AEBP1: variants seen among roughly 807,000 people sequenced by gnomAD.
AEBP1 encodes adipocyte enhancer-binding protein 1.
A neutral mutation model predicts 116.5 loss-of-function variants in AEBP1; 69 were observed. That is an observed-to-expected ratio of 0.59 (90% CI 0.49 to 0.72). AEBP1 has a LOEUF of 0.72. Ranked by LOEUF, AEBP1 falls within the 30% of genes least tolerant of loss-of-function variation. The probability of loss-of-function intolerance (pLI) is 0.00; values close to 1 mark genes in which losing one functional copy is unlikely to be tolerated. For missense variants in AEBP1, 1,444 were observed against 1,557.5 expected (o/e 0.93, Z 1.23); for synonymous variants, 627 against 627.3 (o/e 1.00, Z 0.01).
Position 44,112,723 on chromosome 7 carries a change from G to C in AEBP1, c.2383G>C (p.Glu795Gln), listed in dbSNP as rs751259605. 1.2e-6 allele frequency: 2 copies of C among 1,613,184 alleles called. No homozygotes were observed. Among genetic ancestry groups the C allele is most frequent in the Non-Finnish European group, 1.7e-6 (2 of 1,179,992 alleles). ...LAAAMAAARG[E>Q]DEDEVSEAQE... ...CGCAGCCATGGCAGCAGCCCGGGGG[G>C]AGGATGAGGACGAGGTCTCCGAGGC... The change falls in exon 18 of 21, where the codon GAG becomes CAG. Residue 795 changes from glutamate to glutamine, a missense_variant. By Grantham distance (29) the Glu-to-Gln change is conservative (BLOSUM62 2). Transcript: ENST00000223357. The surrounding 1 kb of genome is among the most constrained non-coding windows in gnomAD (Gnocchi z 6.6).
Position 44,112,984 on chromosome 7 carries a change from C to A in AEBP1, c.2570-7C>A. On this transcript the variant is annotated splice_polypyrimidine_tract_variant and splice_region_variant and intron_variant, in intron 18 of 20. Coordinates refer to ENST00000223357, the MANE Select transcript of AEBP1 (RefSeq NM_001129.5). The surrounding 1 kb of genome is among the most constrained non-coding windows in gnomAD (Gnocchi z 6.6). ...CTGACTTTGGGTCTGTATCTGTCCCCGGCCAGCTATCAATGACTTCAGTTA... is the reference window on the plus strand; with the variant it reads ...CTGACTTTGGGTCTGTATCTGTCCCAGGCCAGCTATCAATGACTTCAGTTA... 1 of 1,613,924 alleles carries A rather than the reference C, an allele frequency of 6.2e-7. No individual in the cohort carries two copies. The highest frequency in any genetic ancestry group is 1.1e-5 in the South Asian group (1 of 91,074).
chr7:44,106,429 A>C (rs188527117), intron 1 of AEBP1, 117 bp from the exon 2 acceptor site: 6 of 1,138,828 alleles, frequency 5.3e-6, no homozygotes, highest in Non-Finnish European at 7.6e-6. Context: ...CAGTTTGCTG[A>C]TCCGCACTGG....
rs901610198 is a variant in AEBP1, at chr7:44,104,370, G to C, written c.-296G>C. The C allele has an allele frequency of 5.2e-5, 13 of 248,948 alleles. No homozygotes were observed. The highest frequency in any genetic ancestry group is 2.5e-4 in the African/African-American group (11 of 44,162). 15.4% of individuals were successfully genotyped at this position (248,948 alleles called of 1,614,324 possible). ...GCCAGCGCTTTGGAGACGGCTATCC[G>C]CGCGGGAGTGCGCCACGCGGGGCCG... On this transcript the variant is annotated 5_prime_UTR_variant, in exon 1 of 21. Coordinates refer to ENST00000223357, the MANE Select transcript of AEBP1 (RefSeq NM_001129.5).
Position 44,113,312 on chromosome 7 carries a change from A to G in AEBP1, c.2770A>G (p.Thr924Ala). The G allele has an allele frequency of 2.5e-6, 4 of 1,613,482 alleles. No homozygotes were observed. The highest frequency in any genetic ancestry group is 3.4e-6 in the Non-Finnish European group (4 of 1,179,822). ...GCAAGGCATCCCCATTGCCAACGCC[A>G]CCATCTCTGTGAGTGGCATTAATCA... is the stretch of plus-strand genomic sequence containing the variant. ...DEQGIPIANA[T>A]ISVSGINHGV... The change falls in exon 20 of 21, where the codon ACC becomes GCC. Residue 924 changes from threonine to alanine, a missense_variant. Physicochemically the swap from Thr to Ala is moderately conservative, Grantham distance 58 (BLOSUM62 0). Coordinates refer to ENST00000223357, the MANE Select transcript of AEBP1 (RefSeq NM_001129.5). The surrounding 1 kb of genome is among the most constrained non-coding windows in gnomAD (Gnocchi z 5.3).
intron 2 of AEBP1, 45 bp downstream of exon 2, chr7:44,106,932 C>T (rs1332413494): frequency 7.0e-7 from 1 of 1,427,802 alleles, no homozygotes; most frequent in African/African-American, 1.4e-5. Flanking sequence ...TGACTGCCTG[C>T]TCGGGTGGAG....
chr7:44,108,009 C>T lies in AEBP1; in HGVS notation c.865C>T (p.Pro289Ser), dbSNP rs1422940212. 3.2e-6 allele frequency: 5 copies of T among 1,586,478 alleles called. No individual in the cohort carries two copies. In the South Asian group the frequency reaches 3.4e-5, roughly 11 times the overall value. Reference protein sequence around the residue: ...PAPAPEERIEPPVKPLLPPLP... With the variant: ...PAPAPEERIESPVKPLLPPLP... ...TCCTAACCTCCCCGCCTCCCCAGAG[C>T]CTCCTGTGAAGCCTCTGCTGCCCCC... The change falls in exon 6 of 21, where the codon CCT becomes TCT. Residue 289 changes from proline to serine, a missense_variant and splice_region_variant. By Grantham distance (74) the Pro-to-Ser change is moderately conservative (BLOSUM62 -1). Transcript: ENST00000223357. The surrounding 1 kb of genome is among the most constrained non-coding windows in gnomAD (Gnocchi z 5.0).
In AEBP1 at chr7:44,111,024, A is replaced by G. The variant is rs1769944692; in HGVS notation, c.1597A>G (p.Met533Val). Residue 533 changes from methionine to valine, a missense_variant, in exon 13 of 21, where the codon ATG (methionine) becomes GTG (valine). Transcript: ENST00000223357. The surrounding 1 kb of genome is among the most constrained non-coding windows in gnomAD (Gnocchi z 4.7). Reference protein sequence around the residue: ...YPLTWNGSLCMRLEVLGCSVA... With the variant: ...YPLTWNGSLCVRLEVLGCSVA... ...ACTCACCTGGAATGGCAGCCTGTGC[A>G]TGCGCCTGGAGGTGCTGGGGTGCTC... 1 of 1,613,470 alleles carries G rather than the reference A, an allele frequency of 6.2e-7. No homozygotes were observed. Among genetic ancestry groups the G allele is most frequent in the African/African-American group, 1.3e-5 (1 of 74,910 alleles).
chr7:44,112,407 G>A lies in AEBP1; in HGVS notation c.2217+86G>A, dbSNP rs532778179. On this transcript the variant is annotated intron_variant, in intron 17 of 20. Coordinates refer to ENST00000223357, the MANE Select transcript of AEBP1 (RefSeq NM_001129.5). This position sits in a 1 kb window ranked among gnomAD's most constrained non-coding sequence, Gnocchi z 6.6. ...TTCTGGGCTTGGGGGTGGGGCTGACGGTGCCTGAACTCCAGACGCTGAGGC... is the reference window on the plus strand; with the variant it reads ...TTCTGGGCTTGGGGGTGGGGCTGACAGTGCCTGAACTCCAGACGCTGAGGC... 1.6e-4 allele frequency: 229 copies of A among 1,461,004 alleles called. 2 individuals are homozygous for A. The highest frequency in any genetic ancestry group is 7.4e-4 in the Middle Eastern group (3 of 4,064). 90.5% of individuals were successfully genotyped at this position (1,461,004 alleles called of 1,614,324 possible).
At position 44,107,579 on chromosome 7, in the gene AEBP1, G is replaced by A. The variant is rs755207231; in HGVS notation, c.668-50G>A. 1 of 1,613,428 alleles carries A rather than the reference G, an allele frequency of 6.2e-7. No homozygotes were observed. The highest frequency in any genetic ancestry group is 1.1e-5 in the South Asian group (1 of 91,082). On this transcript the variant is annotated intron_variant, in intron 3 of 20. Coordinates refer to ENST00000223357, the MANE Select transcript of AEBP1 (RefSeq NM_001129.5). The surrounding 1 kb of genome is among the most constrained non-coding windows in gnomAD (Gnocchi z 4.3). Reference sequence around the variant, plus strand: ...GCTGGTTGGACTGAGGGCTTCCCCAGAGTAGGCCTGGGTGGGGTTGTCAGG... The same window carrying A: ...GCTGGTTGGACTGAGGGCTTCCCCAAAGTAGGCCTGGGTGGGGTTGTCAGG...
At position 44,110,098 on chromosome 7, in the gene AEBP1, G is replaced by A. The variant is rs1403801120; in HGVS notation, c.1234G>A (p.Ala412Thr). The change falls in exon 10 of 21, where the codon GCA becomes ACA. Residue 412 changes from alanine (A) to threonine (T), a missense_variant. Coordinates refer to ENST00000223357, the MANE Select transcript of AEBP1 (RefSeq NM_001129.5). Reference protein sequence around the residue: ...ASSMLRHGLGAQRGRLNMQTG... With the variant: ...ASSMLRHGLGTQRGRLNMQTG... ...CTCCATGCTGCGCCACGGCCTGGGG[G>A]CACAGCGCGGCCGGCTCAACATGCA... is the stretch of plus-strand genomic sequence containing the variant. 2.5e-6 allele frequency: 4 copies of A among 1,612,998 alleles called. No individual in the cohort carries two copies. Among genetic ancestry groups the A allele is most frequent in the East Asian group, 2.2e-5 (1 of 44,894 alleles).
rs777560888 is a variant in AEBP1, at chr7:44,106,884, G to A, written c.592G>A (p.Gly198Arg). The change falls in exon 2 of 21, where the codon GGA becomes AGA. Residue 198 changes from glycine to arginine, a missense_variant. Transcript: ENST00000223357. ...SPGPEELPQEGGAPLSNNWQN... is the reference protein window; with the variant it reads ...SPGPEELPQERGAPLSNNWQN... ...TGGCCCCGAGGAGCTACCCCAGGAGGGAGGTTTGTGCCGGGCTCCTCTGGG... is the reference window on the plus strand; with the variant it reads ...TGGCCCCGAGGAGCTACCCCAGGAGAGAGGTTTGTGCCGGGCTCCTCTGGG... The A allele has an allele frequency of 1.2e-5, 18 of 1,563,784 alleles. No individual in the cohort carries two copies. The highest frequency in any genetic ancestry group is 1.5e-5 in the Non-Finnish European group (17 of 1,157,928).
At position 44,111,583 on chromosome 7, in the gene AEBP1, A is replaced by G; in HGVS notation, c.1793A>G (p.Lys598Arg). The change falls in exon 15 of 21, where the codon AAG becomes AGG. Residue 598 changes from lysine (K) to arginine (R), a missense_variant. Coordinates refer to ENST00000223357, the MANE Select transcript of AEBP1 (RefSeq NM_001129.5). The surrounding 1 kb of genome is among the most constrained non-coding windows in gnomAD (Gnocchi z 4.7). ...YSLGKSSRGL[K>R]IYAMEISDNP... ...CTGGGCAAGAGCTCACGAGGCCTCAAGATCTATGCCATGGAGATCTCAGAC... is the reference window on the plus strand; with the variant it reads ...CTGGGCAAGAGCTCACGAGGCCTCAGGATCTATGCCATGGAGATCTCAGAC... 6.2e-7 allele frequency: 1 copy of G among 1,613,238 alleles called. No individual in the cohort carries two copies. Among genetic ancestry groups the G allele is most frequent in the Non-Finnish European group, 8.5e-7 (1 of 1,179,706 alleles).
rs1586045750 is a variant in AEBP1 at position 44,107,388 on chromosome 7, T to G, written c.596-51T>G. 2 of 1,581,082 alleles carry G rather than the reference T, an allele frequency of 1.3e-6. No homozygotes were observed. The highest frequency in any genetic ancestry group is 8.7e-7 in the Non-Finnish European group (1 of 1,151,974). Reference sequence around the variant, plus strand: ...GGCTGGTGGCCTGAGGCTCCCAAGGTGGTCAGAGCAGGCCTCCCGCCCACC... The same window carrying G: ...GGCTGGTGGCCTGAGGCTCCCAAGGGGGTCAGAGCAGGCCTCCCGCCCACC... On this transcript the variant is annotated intron_variant, in intron 2 of 20. Coordinates refer to ENST00000223357, the MANE Select transcript of AEBP1 (RefSeq NM_001129.5). This position sits in a 1 kb window ranked among gnomAD's most constrained non-coding sequence, Gnocchi z 4.3.
chr7:44,112,950 G>A lies in AEBP1; in HGVS notation c.2569+41G>A, dbSNP rs41279612. On this transcript the variant is annotated intron_variant, in intron 18 of 20. Coordinates refer to ENST00000223357, the MANE Select transcript of AEBP1 (RefSeq NM_001129.5). This position sits in a 1 kb window ranked among gnomAD's most constrained non-coding sequence, Gnocchi z 6.6. Reference sequence around the variant, plus strand: ...AGGGGCTGTGGGCGGGGCCTGGTCCGGAGAGGGGCTGACTTTGGGTCTGTA... The same window carrying A: ...AGGGGCTGTGGGCGGGGCCTGGTCCAGAGAGGGGCTGACTTTGGGTCTGTA... The A allele has an allele frequency of 0.26, 417,866 of 1,612,638 alleles. 55,984 individuals are homozygous for A. The highest frequency in any genetic ancestry group is 0.3 in the Admixed American group (17,773 of 59,974).
At position 44,112,579 on chromosome 7, in the gene AEBP1, A is replaced by G; in HGVS notation, c.2239A>G (p.Ile747Val). Residue 747 changes from isoleucine to valine, a missense_variant, in exon 18 of 21, where the codon ATC (isoleucine) becomes GTC (valine). Ile to Val is a conservative substitution (Grantham distance 29). Transcript: ENST00000223357. The surrounding 1 kb of genome is among the most constrained non-coding windows in gnomAD (Gnocchi z 6.6). Reference sequence around the variant, plus strand: ...CCAGGTATCCACGGAGGTCCGGGCCATCATTGCCTGGATGGAGAAGAACCC... The same window carrying G: ...CCAGGTATCCACGGAGGTCCGGGCCGTCATTGCCTGGATGGAGAAGAACCC... ...DATVSTEVRA[I>V]IAWMEKNPFV... 1 of 1,596,986 alleles carries G rather than the reference A, an allele frequency of 6.3e-7. No homozygotes were observed. Among genetic ancestry groups the G allele is most frequent in the African/African-American group, 1.3e-5 (1 of 74,678 alleles).
In AEBP1 at chr7:44,106,799, G is replaced by GC; in HGVS notation, c.513dup (p.Ile172HisfsTer34). ...CCAAGAAGCCCCCGTCAGGGAAGAG[G>GC]CCCCCCATTCTGGCTCCCTCAGAAA... On this transcript the variant is annotated frameshift_variant, in exon 2 of 21. Coordinates refer to ENST00000223357, the MANE Select transcript of AEBP1 (RefSeq NM_001129.5). LOFTEE classifies it high-confidence loss of function. 2 of 1,611,048 alleles carry GC rather than the reference G, an allele frequency of 1.2e-6. No homozygotes were observed. Among genetic ancestry groups the GC allele is most frequent in the Non-Finnish European group, 1.7e-6 (2 of 1,179,060 alleles).
chr7:44,104,490 C>T lies in AEBP1; in HGVS notation c.-176C>T. 2.1e-6 allele frequency: 1 copy of T among 476,154 alleles called. No individual in the cohort carries two copies. Among genetic ancestry groups the T allele is most frequent in the Non-Finnish European group, 3.6e-6 (1 of 278,960 alleles). 29.5% of individuals were successfully genotyped at this position (476,154 alleles called of 1,614,324 possible). On this transcript the variant is annotated 5_prime_UTR_variant, in exon 1 of 21. Coordinates refer to ENST00000223357, the MANE Select transcript of AEBP1 (RefSeq NM_001129.5). The stretch of plus-strand genomic sequence containing the variant: ...CCCAGCACCCCTTCCCGGGTCCCCT[C>T]GCCCACCCTAATCCACTCTCCCTCC...
In AEBP1 at chr7:44,108,920, C is replaced by T. The variant is rs1225864009; in HGVS notation, c.962C>T (p.Pro321Leu). 13 of 1,591,748 alleles carry T rather than the reference C, an allele frequency of 8.2e-6. No homozygotes were observed. Among genetic ancestry groups the T allele is most frequent in the Non-Finnish European group, 1.0e-5 (12 of 1,170,018 alleles). Residue 321 changes from proline (P) to leucine (L), a missense_variant, in exon 7 of 21, where the codon CCT (proline) becomes CTT (leucine). By Grantham distance (98) the Pro-to-Leu change is moderately conservative. Transcript: ENST00000223357. The surrounding 1 kb of genome is among the most constrained non-coding windows in gnomAD (Gnocchi z 5.0). ...ATAGTGGACTATTACTTTGGGCCTC[C>T]TCCGCCCCAGAAGCCCGATGCTGAG... The part of the protein sequence containing the change: ...YDDMDYYFGP[P>L]PPQKPDAERQ...
intron 11 of AEBP1, 149 bp downstream of exon 11, chr7:44,110,495 C>A: frequency 7.9e-7 from 1 of 1,260,590 alleles, no homozygotes. Flanking sequence ...CTGCCCATCC[C>A]CACTCCTCAG....
Sources: allele counts gnomAD v4.1 joint callset, GRCh38; gene constraint gnomAD v4.1.1; non-coding constraint Gnocchi (gnomAD v3.1); transcripts MANE v1.5; gene names NCBI Gene and HGNC (gene_info 2026-07-23, HGNC 2026-07-21).